The following KIDINS220 variants were observed in gnomAD, a reference collection of about 807,000 sequenced individuals.
KIDINS220 encodes the protein kinase D-interacting substrate of 220 kDa.
Under a neutral mutation model 157.6 loss-of-function variants are expected in KIDINS220, and 63 were observed. The observed-to-expected ratio is 0.40, with a 90% CI of 0.33 to 0.49. The LOEUF (loss-of-function observed/expected upper bound fraction) is 0.49. Ranked by LOEUF, KIDINS220 falls within the 20% of genes least tolerant of loss-of-function variation. The probability of loss-of-function intolerance (pLI) is 0.66; values close to 1 mark genes in which losing one functional copy is unlikely to be tolerated. For missense variants in KIDINS220, 1,772 were observed against 2,171.2 expected (o/e 0.82, Z 3.65); for synonymous variants, 732 against 783.6 (o/e 0.93, Z 1.10).
In KIDINS220 at chr2:8,785,804, T is replaced by A; in HGVS notation, c.2166A>T (p.Gln722His). Reference sequence around the variant, plus strand: ...AGGCTGCATTATGGAGGCGTTTTCTTTGGGAATTCAGGAGCGAGTCCAGCA... The same window carrying A: ...AGGCTGCATTATGGAGGCGTTTTCTATGGGAATTCAGGAGCGAGTCCAGCA... ...WQVLDSLLNS[Q>H]RKRLHNAASK... The change falls in exon 17 of 30, where the codon CAA (glutamine) becomes CAT (histidine). Residue 722 changes from glutamine to histidine, a missense_variant. Around this residue, in one of 3 missense-constraint regions of KIDINS220, gnomAD observed 725 missense variants for 1,017.1 expected, o/e 0.71. Coordinates refer to ENST00000256707, the MANE Select transcript of KIDINS220 (RefSeq NM_020738.4). The A allele has an allele frequency of 6.2e-7, 1 of 1,614,078 alleles. No individual in the cohort carries two copies. Among genetic ancestry groups the A allele is most frequent in the Non-Finnish European group, 8.5e-7 (1 of 1,179,994 alleles).
intron 28 of KIDINS220, among the ~76,000 whole-genome samples, chr2:8,734,328 T>C (rs1384347986): frequency 1.3e-5 from 2 of 152,268 alleles, no homozygotes; most frequent in East Asian, 3.9e-4. Flanking sequence ...TAAGGATGAA[T>C]GCTGAAGGTC....
At chr2:8,822,662 C>T (rs1266044153) in intron 2 of KIDINS220, among the ~76,000 whole-genome samples, 2 of 152,126 alleles carry the variant, frequency 1.3e-5, no homozygotes, top group African/African-American at 4.8e-5. Flanking sequence ...TACTCATAAA[C>T]ATACAGCAAA....
chr2:8,808,903 C>T (rs1280098621), intron 6 of KIDINS220, among the ~76,000 whole-genome samples: 1 of 152,214 alleles, frequency 6.6e-6, no homozygotes, highest in African/African-American at 2.4e-5. Flanking sequence ...TAACCCCTTA[C>T]CAAACCCCCC....
At chr2:8,748,963 C>T (rs150570696) in intron 24 of KIDINS220, among the ~76,000 whole-genome samples, 38 of 152,154 alleles carry the variant, frequency 2.5e-4, no homozygotes, top group African/African-American at 7.5e-4. Context: ...TTGGTATCAA[C>T]GGAGCTATTT....
At chr2:8,727,249 G>A (rs568652345), downstream of KIDINS220, 49 of 1,081,796 alleles carry the variant, frequency 4.5e-5, no homozygotes, top group Non-Finnish European at 5.3e-5. Flanking sequence ...CTTCCCTTCC[G>A]CCCAGTGTCG....
At chr2:8,802,683 C>T (rs181803715) in intron 8 of KIDINS220, among the ~76,000 whole-genome samples, 4 of 152,244 alleles carry the variant, frequency 2.6e-5, no homozygotes, top group Non-Finnish European at 4.4e-5. Flanking sequence ...TACAGTGACA[C>T]ATCAAGGTCA....
intron 18 of KIDINS220, among the ~76,000 whole-genome samples, 182 bp downstream of exon 18, chr2:8,779,492 A>C (rs547504825): frequency 6.6e-6 from 1 of 152,376 alleles, no homozygotes; most frequent in East Asian, 1.9e-4. Flanking sequence ...CTTTGTGACT[A>C]AACATTTATT....
At chr2:8,734,804 T>C in intron 27 of KIDINS220, 51 bp from the exon 28 acceptor site, 1 of 1,314,794 alleles carries the variant, frequency 7.6e-7, no homozygotes, top group Non-Finnish European at 1.1e-6. Flanking sequence ...TGTGAAATAT[T>C]CTGAATTACT....
Position 8,729,832 on chromosome 2 carries a change from T to A in KIDINS220, c.*888A>T. Reference sequence around the variant, plus strand: ...TTCCTCATTCACTCATCTATAAATATTTATTAGTACCTATTATTACCCATG... The same window carrying A: ...TTCCTCATTCACTCATCTATAAATAATTATTAGTACCTATTATTACCCATG... On this transcript the variant is annotated 3_prime_UTR_variant, in exon 30 of 30. Coordinates refer to ENST00000256707, the MANE Select transcript of KIDINS220 (RefSeq NM_020738.4). 1 of 982,696 alleles carries A rather than the reference T, an allele frequency of 1.0e-6. No individual in the cohort carries two copies. The highest frequency in any genetic ancestry group is 4.7e-5 in the South Asian group (1 of 21,232). 60.9% of individuals were successfully genotyped at this position (982,696 alleles called of 1,614,324 possible).
chr2:8,825,938 G>A (rs1678723538), intron 2 of KIDINS220: 1 of 151,946 alleles, frequency 6.6e-6, no homozygotes. Flanking sequence ...AAAAAAATTA[G>A]CCGGGCATGG....
At position 8,742,714 on chromosome 2, in the gene KIDINS220, G is replaced by A. The variant is rs548815953; in HGVS notation, c.3585+4431C>T. Among the ~76,000 whole-genome samples, 24 of 152,258 alleles carry A rather than the reference G, an allele frequency of 1.6e-4. No individual in the cohort carries two copies. In the Middle Eastern group the frequency reaches 0.01, roughly 65 times the overall value. On this transcript the variant is annotated intron_variant, in intron 26 of 29. Transcript: ENST00000256707. ...TCATAAAACCGATAATTCCCTCGGT[G>A]GCCTTCAGGTCCACACTCTGTGAAG...
intron 6 of KIDINS220, among the ~76,000 whole-genome samples, chr2:8,807,967 C>T (rs1397406200): frequency 1.3e-5 from 2 of 151,888 alleles, no homozygotes; most frequent in Non-Finnish European, 2.9e-5. Context: ...ACTAAAAATA[C>T]AAAAAAATTA....
At chr2:8,832,375 A>G (rs1679768020) in intron 1 of KIDINS220, among the ~76,000 whole-genome samples, 1 of 152,242 alleles carries the variant, frequency 6.6e-6, no homozygotes, top group African/African-American at 2.4e-5. Context: ...CCTAGAAATT[A>G]CAAAATAAAA....
intron 22 of KIDINS220, among the ~76,000 whole-genome samples, chr2:8,763,379 C>A (rs1482888962): frequency 2.0e-5 from 3 of 152,154 alleles, no homozygotes; most frequent in Admixed American, 6.5e-5. Context: ...TCCAAAAATC[C>A]AAAATCCCAA....
chr2:8,827,987 A>G (rs1389935275), intron 1 of KIDINS220, among the ~76,000 whole-genome samples: 2 of 152,176 alleles, frequency 1.3e-5, no homozygotes, highest in East Asian at 3.9e-4. Flanking sequence ...ACACTGAGGA[A>G]GAACCACAAT....
intron 3 of KIDINS220, among the ~76,000 whole-genome samples, chr2:8,818,116 A>T (rs1335968064): frequency 6.6e-6 from 1 of 152,226 alleles, no homozygotes; most frequent in Non-Finnish European, 1.5e-5. Context: ...GACTACAGAG[A>T]TCTCATATGA....
At chr2:8,763,441 T>C (rs2148123017) in intron 22 of KIDINS220, among the ~76,000 whole-genome samples, 1 of 152,258 alleles carries the variant, frequency 6.6e-6, no homozygotes, top group Non-Finnish European at 1.5e-5. Flanking sequence ...CAGTTTCAGA[T>C]TTGGGGGCAT....
At chr2:8,734,151 G>C (rs188336521) in intron 28 of KIDINS220, among the ~76,000 whole-genome samples, 1 of 152,010 alleles carries the variant, frequency 6.6e-6, no homozygotes, top group African/African-American at 2.4e-5. Context: ...ACATTACTAA[G>C]GGGAGGCAGC....
chr2:8,803,167 C>T, intron 7 of KIDINS220, 40 bp from the exon 8 acceptor site: 1 of 1,454,042 alleles, frequency 6.9e-7, no homozygotes, highest in South Asian at 1.2e-5. Context: ...AAACGCAAGC[C>T]CAAGAAATTA....
Sources: allele counts gnomAD v4.1 joint callset (sites outside exome capture counted in the v4.1 genomes callset), GRCh38; gene constraint gnomAD v4.1.1; regional missense constraint gnomAD v4.1.1; transcripts MANE v1.5; gene names NCBI Gene and HGNC (gene_info 2026-07-23, HGNC 2026-07-21).